Variants in NSD2 observed in about 807,000 individuals in gnomAD.
The protein encoded by NSD2 is histone-lysine N-methyltransferase NSD2.
A neutral mutation model predicts 139.0 loss-of-function variants in NSD2; 12 were observed. That is an observed-to-expected ratio of 0.09 (90% CI 0.06 to 0.14). NSD2 has a LOEUF of 0.14. Ranked by LOEUF, NSD2 falls within the 10% of genes least tolerant of loss-of-function variation. The probability of loss-of-function intolerance (pLI) is 1.00; values close to 1 mark genes in which losing one functional copy is unlikely to be tolerated. For missense variants in NSD2, 1,155 were observed against 1,745.0 expected (o/e 0.66, Z 6.02); for synonymous variants, 669 against 648.7 (o/e 1.03, Z -0.48).
chr4:1,937,088 G>A (rs572904619), intron 7 of NSD2, among the ~76,000 whole-genome samples: 6 of 151,294 alleles, frequency 4.0e-5, no homozygotes, highest in South Asian at 2.1e-4. Context: ...GTCTCACTTC[G>A]TCACCCAGGC....
intron 3 of NSD2, among the ~76,000 whole-genome samples, chr4:1,904,848 C>T (rs766536410): frequency 6.6e-6 from 1 of 151,776 alleles, no homozygotes; most frequent in Non-Finnish European, 1.5e-5. Context: ...TAAGAATGTA[C>T]GGCCGGGCAC....
intron 5 of NSD2, among the ~76,000 whole-genome samples, chr4:1,923,405 C>G (rs1317352337): frequency 1.3e-5 from 2 of 151,768 alleles, no homozygotes; most frequent in African/African-American, 4.8e-5. Flanking sequence ...CGAAACAATT[C>G]TGAAGGAGAA....
At chr4:1,944,361 G>T in intron 9 of NSD2, 2 of 1,065,936 alleles carry the variant, frequency 1.9e-6, no homozygotes, top group Non-Finnish European at 2.3e-6. Flanking sequence ...CTAATTTAAC[G>T]TGGAATTCCT....
rs1243852761 is a variant in NSD2, at chr4:1,958,411, G to C, written c.2985+375G>C. Among the ~76,000 whole-genome samples, 3 of 152,244 alleles carry C rather than the reference G, an allele frequency of 2.0e-5. No individual in the cohort carries two copies. The highest frequency in any genetic ancestry group is 7.2e-5 in the African/African-American group (3 of 41,470). ...TCAGTGACTGAGCCCCAAACACGTA[G>C]ATCCTGTACCTCAGAGAGCAAGATG... is the stretch of plus-strand genomic sequence containing the variant. On this transcript the variant is annotated intron_variant, in intron 16 of 21. Transcript: ENST00000508803. This position sits in a 1 kb window ranked among gnomAD's most constrained non-coding sequence, Gnocchi z 4.6.
chr4:1,940,812 G>C (rs1039661298), intron 9 of NSD2: 1 of 1,057,948 alleles, frequency 9.5e-7, no homozygotes. Flanking sequence ...CTCATTAGAG[G>C]AGTGTAGGCC....
intron 5 of NSD2, among the ~76,000 whole-genome samples, chr4:1,922,353 G>C (rs999505909): frequency 9.9e-5 from 15 of 152,134 alleles, no homozygotes; most frequent in African/African-American, 3.4e-4. Context: ...CAAAATGTCA[G>C]GTACTGCGGA....
At chr4:1,933,928 C>T (rs1034995736) in intron 6 of NSD2, among the ~76,000 whole-genome samples, 1 of 151,992 alleles carries the variant, frequency 6.6e-6, no homozygotes, top group East Asian at 1.9e-4. Context: ...AACAGCTGAG[C>T]AAACATGGAG....
intron 1 of NSD2, among the ~76,000 whole-genome samples, chr4:1,874,048 G>A (rs913851621): frequency 1.3e-5 from 2 of 152,180 alleles, no homozygotes; most frequent in African/African-American, 2.4e-5. Context: ...CTTTTTAGCT[G>A]GGCAAGTGGG....
intron 20 of NSD2, among the ~76,000 whole-genome samples, chr4:1,975,806 C>T (rs754672453): frequency 8.5e-5 from 13 of 152,210 alleles, no homozygotes; most frequent in Non-Finnish European, 1.5e-4. Context: ...TTGACTTGCC[C>T]TTCTTATAAG....
chr4:1,957,959 C>T lies in NSD2; in HGVS notation c.2908C>T (p.Arg970Cys), dbSNP rs772239992. The change falls in exon 16 of 22, where the codon CGT becomes TGT. Residue 970 changes from arginine (R) to cysteine (C), a missense_variant. Arg to Cys is a radical substitution (Grantham distance 180). Coordinates refer to ENST00000508803, the MANE Select transcript of NSD2 (RefSeq NM_001042424.3). ...ACTGCAAGAAGCTGAAGCTCGTTTTCGTGAAATTAAGCTTCAGAGGGAAGC... is the reference window on the plus strand; with the variant it reads ...ACTGCAAGAAGCTGAAGCTCGTTTTTGTGAAATTAAGCTTCAGAGGGAAGC... ...NALQEAEARF[R>C]EIKLQREARE... 3.7e-6 allele frequency: 6 copies of T among 1,614,018 alleles called. No homozygotes were observed. The highest frequency in any genetic ancestry group is 2.7e-5 in the African/African-American group (2 of 74,918).
chr4:1,941,165 G>C, intron 9 of NSD2: 5 of 1,053,586 alleles, frequency 4.7e-6, no homozygotes, highest in Non-Finnish European at 5.7e-6. Context: ...CCAAGTTCAG[G>C]TTAAAATCTT....
intron 3 of NSD2, among the ~76,000 whole-genome samples, chr4:1,906,020 T>C (rs567259886): frequency 6.6e-6 from 1 of 152,306 alleles, no homozygotes; most frequent in African/African-American, 2.4e-5. Flanking sequence ...ATTCTTTCTC[T>C]GCTTTCTAAA....
At chr4:1,975,208 A>AT in intron 19 of NSD2, 86 bp from the exon 20 acceptor site, 2 of 1,448,438 alleles carry the variant, frequency 1.4e-6, no homozygotes, top group South Asian at 1.2e-5. Context: ...TAATAAGAGT[A>AT]TTTTTGTTGA....
intron 1 of NSD2, among the ~76,000 whole-genome samples, chr4:1,878,015 A>G (rs533374982): frequency 6.6e-6 from 1 of 152,028 alleles, no homozygotes; most frequent in South Asian, 2.1e-4. Flanking sequence ...GGTGGCAGTA[A>G]GACTCTGTCC....
At position 1,981,055 on chromosome 4, in the gene NSD2, C is replaced by T. The variant is rs1000661891; in HGVS notation, c.*2146C>T. ...CGTCAAAACAGCAGAATCGGCTTTG[C>T]AGTGCACTTTGGGGAGCAGATATTA... On this transcript the variant is annotated 3_prime_UTR_variant, in exon 22 of 22. Transcript: ENST00000508803. 3 of 233,094 alleles carry T rather than the reference C, an allele frequency of 1.3e-5. No homozygotes were observed. The Admixed American group carries it at 1.7e-4, about 13-fold the overall frequency. The allele number at this position is 233,094 out of a possible 1,614,324, so 14.4% of individuals were successfully genotyped here.
intron 18 of NSD2, among the ~76,000 whole-genome samples, chr4:1,964,465 C>A (rs1005763196): frequency 6.6e-6 from 1 of 152,156 alleles, no homozygotes; most frequent in African/African-American, 2.4e-5. Context: ...CAGCGGCTAC[C>A]CATGCCCCAC....
At chr4:1,939,949 G>A (rs572551382) in intron 9 of NSD2, 171 bp downstream of exon 9, 53 of 1,466,722 alleles carry the variant, frequency 3.6e-5, no homozygotes, top group South Asian at 1.4e-5. Context: ...TGGACAAACA[G>A]TGCACTATGT....
chr4:1,888,247 A>C (rs1009038323), intron 1 of NSD2, among the ~76,000 whole-genome samples: 4 of 151,884 alleles, frequency 2.6e-5, no homozygotes, highest in Non-Finnish European at 4.4e-5. Context: ...ACCAGTCTCC[A>C]CTAAAAATAC....
At chr4:1,912,994 T>C (rs1297345162) in intron 3 of NSD2, among the ~76,000 whole-genome samples, 2 of 152,228 alleles carry the variant, frequency 1.3e-5, no homozygotes, top group East Asian at 3.8e-4. Context: ...AGAATAGTTA[T>C]ATTAGACATA....
Sources: allele counts gnomAD v4.1 joint callset (sites outside exome capture counted in the v4.1 genomes callset), GRCh38; gene constraint gnomAD v4.1.1; non-coding constraint Gnocchi (gnomAD v3.1); transcripts MANE v1.5; gene names NCBI Gene and HGNC (gene_info 2026-07-23, HGNC 2026-07-21).